P2RY12: variants seen among roughly 807,000 people sequenced by gnomAD.
P2RY12 encodes purinergic receptor P2Y12.
Under a neutral mutation model 4.5 loss-of-function variants are expected in P2RY12, and 3 were observed. That is an observed-to-expected ratio of 0.67 (90% CI 0.31 to 1.74). The LOEUF is 1.74. P2RY12 is among the 40% of genes most tolerant of loss of function. P2RY12 has a pLI of 0.09. For synonymous variants in P2RY12, 148 were observed against 154.1 expected, an observed-to-expected ratio of 0.96 and a Z score of 0.29; for missense variants, 356 against 407.8, an observed-to-expected ratio of 0.87 and a Z score of 1.09.
chr3:151,380,390 A>G (rs2108112079), intron 1 of P2RY12, among the ~76,000 whole-genome samples: 1 of 152,302 alleles, frequency 6.6e-6, no homozygotes, highest in Admixed American at 6.5e-5. Flanking sequence ...TGAGGCCAGG[A>G]GTTCGAGACC....
chr3:151,379,204 A>G (rs1396969423), intron 1 of P2RY12, among the ~76,000 whole-genome samples: 2 of 152,208 alleles, frequency 1.3e-5, no homozygotes, highest in African/African-American at 4.8e-5. Flanking sequence ...TTTTCAAATC[A>G]TATTTGCTGA....
intron 1 of P2RY12, chr3:151,350,220 A>G: frequency 1.9e-6 from 3 of 1,612,010 alleles, no homozygotes; most frequent in Non-Finnish European, 2.5e-6. Flanking sequence ...AAGAACCTTA[A>G]TGCATTTGCT....
At chr3:151,360,343 A>G (rs544065173) in intron 1 of P2RY12, 73 of 767,388 alleles carry the variant, frequency 9.5e-5, no homozygotes, top group Middle Eastern at 4.9e-4. Flanking sequence ...TTACTATTCT[A>G]TTTATTAGTT....
chr3:151,360,875 A>T (rs1364485831), intron 1 of P2RY12, among the ~76,000 whole-genome samples: 4 of 152,140 alleles, frequency 2.6e-5, no homozygotes, highest in African/African-American at 9.7e-5. Context: ...TATTTCTTCA[A>T]TAAATAAAGT....
chr3:151,357,483 G>A (rs2150060793), intron 1 of P2RY12: 4 of 973,772 alleles, frequency 4.1e-6, no homozygotes, highest in Non-Finnish European at 5.8e-6. Flanking sequence ...ACCTGTTTTA[G>A]TTAAAACATG....
At chr3:151,365,714 A>C in intron 1 of P2RY12, 2 of 768,724 alleles carry the variant, frequency 2.6e-6, no homozygotes, top group Non-Finnish European at 4.0e-6. Flanking sequence ...GTTATTTGAC[A>C]AATGAGTATT....
At position 151,338,810 on chromosome 3, in the gene P2RY12, A is replaced by C. The variant is rs6809699; in HGVS notation, c.36T>G (p.Gly12=). 0.85 allele frequency: 1,364,573 copies of C among 1,612,836 alleles called. 578,841 individuals carry two copies. Among genetic ancestry groups the C allele is most frequent in the African/African-American group, 0.97 (72,744 of 74,950 alleles). ...QAVDNLTSAP[G]NTSLCTRDYK... is the part of the protein sequence containing the mutation. The stretch of plus-strand genomic sequence containing the variant: ...AGTCTCTGGTGCACAGACTGGTGTT[A>C]CCAGGCGCAGAGGTGAGGTTGTCGA... The change falls in exon 3 of 3, where the codon GGT becomes GGG. Residue 12 remains glycine (G), a synonymous_variant. Coordinates refer to ENST00000302632, the MANE Select transcript of P2RY12 (RefSeq NM_022788.5).
At chr3:151,353,505 C>T (rs1367111483) in intron 1 of P2RY12, among the ~76,000 whole-genome samples, 1 of 152,164 alleles carries the variant, frequency 6.6e-6, no homozygotes, top group Non-Finnish European at 1.5e-5. Context: ...ACTTATGTTA[C>T]CCCAGCACCT....
intron 1 of P2RY12, chr3:151,350,329 C>A: frequency 1.2e-6 from 1 of 834,150 alleles, no homozygotes; most frequent in Non-Finnish European, 1.7e-6. Context: ...ATGACTCTCA[C>A]ATTGAAATGT....
In P2RY12 at chr3:151,338,146, C is replaced by T. The variant is rs751620038; in HGVS notation, c.700G>A (p.Val234Met). 2 of 1,613,970 alleles carry T rather than the reference C, an allele frequency of 1.2e-6. No homozygotes were observed. The highest frequency in any genetic ancestry group is 1.3e-5 in the African/African-American group (1 of 75,016). ...ATGATAATGAAAACTTTGACGTTCACCTTTTTCCTGGGGACTTTACCTACA... is the reference window on the plus strand; with the variant it reads ...ATGATAATGAAAACTTTGACGTTCATCTTTTTCCTGGGGACTTTACCTACA... ...RGVGKVPRKKVNVKVFIIIAV... is the reference protein window; with the variant it reads ...RGVGKVPRKKMNVKVFIIIAV... Residue 234 changes from valine to methionine, a missense_variant, in exon 3 of 3, where the codon GTG (valine) becomes ATG (methionine). Physicochemically the swap from Val to Met is conservative, Grantham distance 21. Transcript: ENST00000302632.
At chr3:151,348,998 G>T (rs1440359085) in intron 1 of P2RY12, among the ~76,000 whole-genome samples, 1 of 152,254 alleles carries the variant, frequency 6.6e-6, no homozygotes, top group Non-Finnish European at 1.5e-5. Flanking sequence ...GATGGATGCT[G>T]TTGGGAAGGG....
chr3:151,373,317 A>G (rs1402767079), intron 1 of P2RY12, among the ~76,000 whole-genome samples: 1 of 152,134 alleles, frequency 6.6e-6, no homozygotes, highest in Non-Finnish European at 1.5e-5. Context: ...TGTGATGTCC[A>G]TTTGCACCTC....
At chr3:151,351,504 T>C (rs1753235215) in intron 1 of P2RY12, among the ~76,000 whole-genome samples, 1 of 152,204 alleles carries the variant, frequency 6.6e-6, no homozygotes, top group Non-Finnish European at 1.5e-5. Flanking sequence ...TGTGTCATTA[T>C]TGAGTTTGAA....
At chr3:151,371,432 G>T (rs950910048) in intron 1 of P2RY12, among the ~76,000 whole-genome samples, 1 of 152,192 alleles carries the variant, frequency 6.6e-6, no homozygotes, top group Non-Finnish European at 1.5e-5. Flanking sequence ...TGTGGGTAAA[G>T]TGAAGCTGGT....
At chr3:151,373,742 A>G (rs1007164268) in intron 1 of P2RY12, among the ~76,000 whole-genome samples, 2 of 152,118 alleles carry the variant, frequency 1.3e-5, no homozygotes, top group East Asian at 1.9e-4. Flanking sequence ...TATTCATCCT[A>G]TCACATCATT....
chr3:151,368,432 A>G (rs1473720879), intron 1 of P2RY12, among the ~76,000 whole-genome samples: 1 of 152,046 alleles, frequency 6.6e-6, no homozygotes, highest in Non-Finnish European at 1.5e-5. Flanking sequence ...TATCTGTGTA[A>G]TATCAGGATA....
intron 2 of P2RY12, among the ~76,000 whole-genome samples, chr3:151,340,312 T>A (rs1751651518): frequency 6.6e-6 from 1 of 152,182 alleles, no homozygotes; most frequent in Non-Finnish European, 1.5e-5. Flanking sequence ...TCAGCTCCCT[T>A]TATCTGTATT....
At chr3:151,365,808 T>C in intron 1 of P2RY12, 1 of 1,527,690 alleles carries the variant, frequency 6.5e-7, no homozygotes, top group Non-Finnish European at 8.8e-7. Flanking sequence ...GTATTTCTCT[T>C]TTGTACAAGG....
intron 1 of P2RY12, chr3:151,376,248 G>T: frequency 7.4e-7 from 1 of 1,344,506 alleles, no homozygotes; most frequent in African/African-American, 1.5e-5. Context: ...TCTGTCATTT[G>T]ATAAATTCTT....
Sources: gnomAD v4.1 joint callset for allele counts (sites outside exome capture counted in the v4.1 genomes callset) on GRCh38, gnomAD v4.1.1 for gene constraint, MANE v1.5 for transcripts, NCBI Gene and HGNC (gene_info 2026-07-23, HGNC 2026-07-21) for gene names.